Variants in PRRC2C observed in about 807,000 individuals in gnomAD.
PRRC2C encodes the protein proline rich coiled-coil 2C, also known as protein PRRC2C.
A neutral mutation model predicts 317.2 loss-of-function variants in PRRC2C; 72 were observed. That is an observed-to-expected ratio of 0.23 (90% CI 0.19 to 0.28). The LOEUF (loss-of-function observed/expected upper bound fraction) is 0.28. Ranked by LOEUF, PRRC2C falls within the 10% of genes least tolerant of loss-of-function variation. PRRC2C has a pLI of 1.00. For synonymous variants in PRRC2C, 1,296 were observed against 1,205.9 expected, an observed-to-expected ratio of 1.07 and a Z score of -1.55; for missense variants, 3,074 against 3,459.7, an observed-to-expected ratio of 0.89 and a Z score of 2.80.
At position 171,542,190 on chromosome 1, in the gene PRRC2C, A is replaced by C. The variant is rs763785616; in HGVS notation, c.4724A>C (p.Glu1575Ala). The C allele has an allele frequency of 6.3e-7, 1 of 1,586,402 alleles. No homozygotes were observed. Among genetic ancestry groups the C allele is most frequent in the Non-Finnish European group, 8.6e-7 (1 of 1,168,692 alleles). Residue 1575 changes from glutamate (E) to alanine (A), a missense_variant, in exon 16 of 35, where the codon GAA (glutamate) becomes GCA (alanine). Around this residue, in one of 11 missense-constraint regions of PRRC2C, gnomAD observed 178 missense variants for 163.0 expected, o/e 1.09. Coordinates refer to ENST00000647382, the MANE Select transcript of PRRC2C (RefSeq NM_001387844.1). ...AGGAATTTCTCAGGTCCTAGAAATG[A>C]AAGGAGAAGTGGCCCACCATCAAAA... ...SGRNFSGPRN[E>A]RRSGPPSKSG... is the part of the protein sequence containing the mutation.
chr1:171,500,713 T>C (rs1668943605), intron 1 of PRRC2C, among the ~76,000 whole-genome samples: 1 of 152,210 alleles, frequency 6.6e-6, no homozygotes, highest in African/African-American at 2.4e-5. Flanking sequence ...TTAATGTATA[T>C]ATTAAACTGC....
In PRRC2C at chr1:171,545,655, C is replaced by T; in HGVS notation, c.4940C>T (p.Ala1647Val). The change falls in exon 17 of 35, where the codon GCT becomes GTT. Residue 1647 changes from alanine to valine, a missense_variant. By Grantham distance (64) the Ala-to-Val change is moderately conservative (BLOSUM62 0). Transcript: ENST00000647382. Reference protein sequence around the residue: ...GPKKPKEKVDALSQFDLNNYA... With the variant: ...GPKKPKEKVDVLSQFDLNNYA... Reference sequence around the variant, plus strand: ...AAAAAACCAAAAGAGAAAGTGGATGCTCTATCACAGTTTGATCTCAACAAT... The same window carrying T: ...AAAAAACCAAAAGAGAAAGTGGATGTTCTATCACAGTTTGATCTCAACAAT... 2 of 1,610,418 alleles carry T rather than the reference C, an allele frequency of 1.2e-6. No individual in the cohort carries two copies.
chr1:171,552,158 T>C (rs1302790667), intron 18 of PRRC2C, among the ~76,000 whole-genome samples: 4 of 152,222 alleles, frequency 2.6e-5, no homozygotes, highest in Admixed American at 6.5e-5. Context: ...TTTCTAGTTC[T>C]TCTTGAAGAG....
chr1:171,490,153 G>A (rs1271534711), intron 1 of PRRC2C, among the ~76,000 whole-genome samples: 1 of 152,096 alleles, frequency 6.6e-6, no homozygotes, highest in Non-Finnish European at 1.5e-5. Flanking sequence ...TCCTGACCTC[G>A]TGATCCGCCC....
chr1:171,496,199 CTTTT>C (rs528654548), intron 1 of PRRC2C, among the ~76,000 whole-genome samples: 18 of 75,658 alleles, frequency 2.4e-4, no homozygotes, highest in South Asian at 1.7e-3. Context: ...ATTTTTGTGC[CTTTT>C]TTTTTTTTTT....
intron 1 of PRRC2C, among the ~76,000 whole-genome samples, chr1:171,486,531 A>G (rs1448224004): frequency 1.3e-5 from 2 of 152,060 alleles, no homozygotes; most frequent in Non-Finnish European, 2.9e-5. Context: ...TGAGAGGAGT[A>G]CCTTTAATTT....
chr1:171,591,128 A>C, intron 34 of PRRC2C: 1 of 984,528 alleles, frequency 1.0e-6, no homozygotes, highest in Non-Finnish European at 1.2e-6. Context: ...GTAGTTACTA[A>C]TTTCTGATGC....
At chr1:171,530,799 T>A (rs998705342) in intron 11 of PRRC2C, among the ~76,000 whole-genome samples, 2 of 152,182 alleles carry the variant, frequency 1.3e-5, no homozygotes, top group Non-Finnish European at 2.9e-5. Flanking sequence ...CCTTATACAT[T>A]GGAAAACCTT....
chr1:171,581,105 T>TATC (rs1648479369), intron 28 of PRRC2C, among the ~76,000 whole-genome samples: 1 of 152,240 alleles, frequency 6.6e-6, no homozygotes, highest in African/African-American at 2.4e-5. Context: ...AAGACACCTG[T>TATC]ATCATTACTT....
chr1:171,493,932 T>G lies in PRRC2C; in HGVS notation c.-58+8197T>G, dbSNP rs572808150. On this transcript the variant is annotated intron_variant, in intron 1 of 34. Coordinates refer to ENST00000647382, the MANE Select transcript of PRRC2C (RefSeq NM_001387844.1). ...ACTATTCTAAGAGCTTTATACACAC[T>G]TTGTTAATTAAATCTTATAATAGTA... 3.9e-5 allele frequency among the ~76,000 whole-genome samples: 6 copies of G among 152,366 alleles called. No individual in the cohort carries two copies. The South Asian group carries it at 1.2e-3, about 32-fold the overall frequency.
At chr1:171,508,289 G>T (rs1416794594) in intron 1 of PRRC2C, among the ~76,000 whole-genome samples, 1 of 152,134 alleles carries the variant, frequency 6.6e-6, no homozygotes, top group Non-Finnish European at 1.5e-5. Flanking sequence ...TTTTGTAAAT[G>T]ACCTTTATTA....
chr1:171,566,469 A>G (rs540351482), intron 21 of PRRC2C, 48 bp downstream of exon 21: 27 of 1,505,176 alleles, frequency 1.8e-5, no homozygotes, highest in Middle Eastern at 3.5e-4. Context: ...GGCCACTGAC[A>G]TGAAGAGCAA....
rs951047387 is a variant in PRRC2C at position 171,591,947 on chromosome 1, A to G, written c.*100A>G. ...CCAAAGGGGCAAAATGGCCTGTGAC[A>G]TTATCCTGTTCAGAGCTTGGAGATG... On this transcript the variant is annotated 3_prime_UTR_variant, in exon 35 of 35. Transcript: ENST00000647382. 15 of 1,433,408 alleles carry G rather than the reference A, an allele frequency of 1.0e-5. No homozygotes were observed. The African/African-American group carries it at 1.4e-4, about 14-fold the overall frequency. The allele number at this position is 1,433,408 out of a possible 1,614,324, so 88.8% of individuals were successfully genotyped here. A position where few individuals can be genotyped will look rare whatever the true frequency, so the allele number is the denominator to read the frequency against.
In PRRC2C at chr1:171,512,567, G is replaced by A. The variant is rs191810792; in HGVS notation, c.112+367G>A. ...AGAGAAAGTCTTATGTTTCGTGTGT[G>A]GGGGTGTGTGTGTGTGTGTGTTAGA... On this transcript the variant is annotated intron_variant, in intron 2 of 34. Coordinates refer to ENST00000647382, the MANE Select transcript of PRRC2C (RefSeq NM_001387844.1). The A allele has an allele frequency of 1.4e-3, 373 of 267,630 alleles. 5 individuals carry two copies. The Admixed American group carries it at 0.015, about 10-fold the overall frequency. The allele number at this position is 267,630 out of a possible 1,614,324, so 16.6% of individuals were successfully genotyped here.
chr1:171,527,320 A>G (rs1248910485), intron 10 of PRRC2C, among the ~76,000 whole-genome samples: 1 of 145,474 alleles, frequency 6.9e-6, no homozygotes, highest in Non-Finnish European at 1.5e-5. Flanking sequence ...TTTAGTAGAG[A>G]CAGGGTTTTG....
intron 13 of PRRC2C, 86 bp from the exon 14 acceptor site, chr1:171,535,943 A>G: frequency 6.8e-7 from 1 of 1,477,952 alleles, no homozygotes; most frequent in Non-Finnish European, 9.2e-7. Context: ...AGGATTCAAA[A>G]CAGGCCATTA....
intron 17 of PRRC2C, among the ~76,000 whole-genome samples, chr1:171,546,475 ATAT>A (rs1219569423): frequency 6.6e-6 from 1 of 152,232 alleles, no homozygotes; most frequent in Non-Finnish European, 1.5e-5. Context: ...TTATTTGTAC[ATAT>A]TAAGCTCTGA....
intron 20 of PRRC2C, among the ~76,000 whole-genome samples, chr1:171,564,695 TA>T (rs1332058436): frequency 1.3e-5 from 2 of 152,226 alleles, no homozygotes; most frequent in Non-Finnish European, 2.9e-5. Flanking sequence ...AGCTTATTAC[TA>T]CACTGAATAC....
intron 34 of PRRC2C, 134 bp from the exon 35 acceptor site, chr1:171,591,453 A>C: frequency 1.1e-6 from 1 of 927,438 alleles, no homozygotes. Context: ...AAGATCAATG[A>C]GGTACTTTTG....
Sources: allele counts gnomAD v4.1 joint callset (sites outside exome capture counted in the v4.1 genomes callset), GRCh38; gene constraint gnomAD v4.1.1; regional missense constraint gnomAD v4.1.1; transcripts MANE v1.5; gene names NCBI Gene and HGNC (gene_info 2026-07-23, HGNC 2026-07-21).